Variants in SEPTIN11 observed in about 807,000 individuals in gnomAD.
SEPTIN11 encodes septin 11.
SEPTIN11 carries 25 observed loss-of-function variants against 51.4 expected under a neutral mutation model. The observed-to-expected ratio is 0.49, with a 90% CI of 0.35 to 0.68. The LOEUF (loss-of-function observed/expected upper bound fraction) is 0.68. Among genes scored for constraint, SEPTIN11 ranks in the 30% least tolerant of loss-of-function variants. The pLI is 0.00. For synonymous variants in SEPTIN11, 174 were observed against 184.1 expected (o/e 0.95, Z 0.44); for missense variants, 381 against 520.8 (o/e 0.73, Z 2.61).
chr4:77,018,246 C>T lies in SEPTIN11; in HGVS notation c.688-919C>T, dbSNP rs191175915. On this transcript the variant is annotated intron_variant, in intron 5 of 9. Transcript: ENST00000264893. ...CGGGCGGATCACAAGGTCAGGAGATCGAGACCATCCTGGCTAACACGGTGA... is the reference window on the plus strand; with the variant it reads ...CGGGCGGATCACAAGGTCAGGAGATTGAGACCATCCTGGCTAACACGGTGA... Among the ~76,000 whole-genome samples the T allele has an allele frequency of 2.4e-3, 365 of 152,148 alleles. 1 individual carries two copies. The highest frequency in any genetic ancestry group is 0.011 in the East Asian group (56 of 5,162).
chr4:77,004,374 G>A (rs1724335482), intron 2 of SEPTIN11, among the ~76,000 whole-genome samples: 1 of 152,302 alleles, frequency 6.6e-6, no homozygotes, highest in Non-Finnish European at 1.5e-5. Flanking sequence ...AGCCACAAAT[G>A]TTTGGCTTCT....
At chr4:77,010,904 G>A (rs185432279) in intron 3 of SEPTIN11, among the ~76,000 whole-genome samples, 280 of 152,268 alleles carry the variant, frequency 1.8e-3, no homozygotes, top group Non-Finnish European at 3.2e-3. Flanking sequence ...CTTACTTCCT[G>A]GACATGTGGT....
chr4:77,016,613 C>T (rs1236152700), intron 5 of SEPTIN11, among the ~76,000 whole-genome samples: 4 of 59,258 alleles, frequency 6.8e-5, no homozygotes, highest in South Asian at 6.4e-4. Context: ...TATATATATA[C>T]ACATATATAT....
Position 76,949,801 on chromosome 4 carries a change from C to A in SEPTIN11, c.-103C>A, listed in dbSNP as rs1721230847. ...GGGACGCCGGCGAGCAGAGCGCAGC[C>A]GCGAGGGAGGCGCGAGGGAGGCGAG... is the stretch of plus-strand genomic sequence containing the variant. On this transcript the variant is annotated 5_prime_UTR_variant, in exon 1 of 10. Coordinates refer to ENST00000264893, the MANE Select transcript of SEPTIN11 (RefSeq NM_018243.4). 2.3e-6 allele frequency: 3 copies of A among 1,308,530 alleles called. No homozygotes were observed. In the South Asian group the frequency reaches 4.0e-5, roughly 17 times the overall value. The allele number at this position is 1,308,530 out of a possible 1,614,324, so 81.1% of individuals were successfully genotyped here. A position where few individuals can be genotyped will look rare whatever the true frequency, so the allele number is the denominator to read the frequency against.
At position 77,038,461 on chromosome 4, in the gene SEPTIN11, C is replaced by T. The variant is rs1211542500; in HGVS notation, c.*3949C>T. The T allele has an allele frequency of 1.1e-5, 11 of 985,754 alleles. No homozygotes were observed. The highest frequency in any genetic ancestry group is 1.3e-5 in the Non-Finnish European group (11 of 829,902). 61.1% of individuals were successfully genotyped at this position (985,754 alleles called of 1,614,324 possible). The stretch of plus-strand genomic sequence containing the variant: ...CTAAAGTAATTGTATTGATGTGAAG[C>T]ATATCATTTTTTCAAATATGAAAGT... On this transcript the variant is annotated 3_prime_UTR_variant, in exon 10 of 10. Transcript: ENST00000264893.
intron 1 of SEPTIN11, among the ~76,000 whole-genome samples, chr4:76,966,834 A>T (rs1223629093): frequency 1.3e-5 from 2 of 152,246 alleles, no homozygotes; most frequent in East Asian, 3.9e-4. Context: ...ACTGTACTCC[A>T]GCCTGGGAGA....
At chr4:76,987,679 G>A (rs1723114736) in intron 1 of SEPTIN11, 1 of 154,278 alleles carries the variant, frequency 6.5e-6, no homozygotes. Flanking sequence ...ATTAATCAGG[G>A]TACTTAAATA....
intron 1 of SEPTIN11, chr4:76,987,801 C>T: frequency 2.1e-6 from 2 of 972,526 alleles, no homozygotes; most frequent in Non-Finnish European, 2.4e-6. Flanking sequence ...TTCTTTACCT[C>T]TCTTCAGCTC....
chr4:77,009,007 G>A (rs1724680222), intron 3 of SEPTIN11, among the ~76,000 whole-genome samples: 1 of 152,230 alleles, frequency 6.6e-6, no homozygotes, highest in African/African-American at 2.4e-5. Flanking sequence ...ATGATGATGA[G>A]GAGTACAAAA....
Position 77,017,280 on chromosome 4 carries a change from A to C in SEPTIN11, c.688-1885A>C, listed in dbSNP as rs141076491. The stretch of plus-strand genomic sequence containing the variant: ...CTTTCTCTCTTTATCAGATTAATAG[A>C]ACTGAATCTCTGACATTCCAAATTA... On this transcript the variant is annotated intron_variant, in intron 5 of 9. Coordinates refer to ENST00000264893, the MANE Select transcript of SEPTIN11 (RefSeq NM_018243.4). Among the ~76,000 whole-genome samples, 30 of 152,328 alleles carry C rather than the reference A, an allele frequency of 2.0e-4. No homozygotes were observed. In the East Asian group the frequency reaches 4.6e-3, roughly 23 times the overall value.
chr4:76,996,423 A>ATTTAT lies in SEPTIN11; in HGVS notation c.28-2_28-1insTTTAT. 2 of 1,611,000 alleles carry ATTTAT rather than the reference A, an allele frequency of 1.2e-6. No homozygotes were observed. The highest frequency in any genetic ancestry group is 1.3e-5 in the African/African-American group (1 of 75,006). The stretch of plus-strand genomic sequence containing the variant: ...TCAAATCTTTCTCCCCTGAAATTGC[A>ATTTAT]GAATGAAGAGCTTCGAAACTTGTCT... On this transcript the variant is annotated splice_acceptor_variant, in intron 1 of 9. Transcript: ENST00000264893. LOFTEE classifies it high-confidence loss of function.
At chr4:76,997,386 G>T (rs1723796875) in intron 2 of SEPTIN11, among the ~76,000 whole-genome samples, 1 of 152,226 alleles carries the variant, frequency 6.6e-6, no homozygotes, top group Admixed American at 6.5e-5. Context: ...AAAGCAAAGA[G>T]AATTTAGAAA....
chr4:77,017,902 A>G (rs1028893402), intron 5 of SEPTIN11, among the ~76,000 whole-genome samples: 3 of 152,234 alleles, frequency 2.0e-5, no homozygotes, highest in East Asian at 1.9e-4. Flanking sequence ...CTTCAGATAA[A>G]TCTGGGTGCA....
At chr4:77,019,355 C>A in intron 6 of SEPTIN11, 94 bp downstream of exon 6, 3 of 1,018,900 alleles carry the variant, frequency 2.9e-6, no homozygotes, top group African/African-American at 1.6e-5. Flanking sequence ...GGGAGGCCCT[C>A]AACAGTGGGC....
At chr4:76,975,774 T>C (rs1722470243) in intron 1 of SEPTIN11, among the ~76,000 whole-genome samples, 1 of 152,246 alleles carries the variant, frequency 6.6e-6, no homozygotes, top group Admixed American at 6.5e-5. Context: ...GAGAACCACT[T>C]TCTTTAAAGT....
In SEPTIN11 at chr4:77,019,264, A is replaced by T. The variant is rs1267619844; in HGVS notation, c.784+3A>T. ...GTACCCCTGGGGTGTGGTGCAGGGT[A>T]TGTGCACAGCATGGGAGATGGAGTC... On this transcript the variant is annotated splice_donor_region_variant and intron_variant, in intron 6 of 9. Transcript: ENST00000264893. The T allele has an allele frequency of 1.9e-6, 3 of 1,605,336 alleles. No individual in the cohort carries two copies. Among genetic ancestry groups the T allele is most frequent in the Non-Finnish European group, 2.6e-6 (3 of 1,174,814 alleles).
intron 1 of SEPTIN11, among the ~76,000 whole-genome samples, chr4:76,979,126 A>G (rs963761408): frequency 1.3e-5 from 2 of 152,246 alleles, no homozygotes; most frequent in Admixed American, 6.5e-5. Flanking sequence ...GTCATGGTAC[A>G]TACAGTTCAA....
At chr4:77,008,780 G>A (rs757841143) in intron 3 of SEPTIN11, among the ~76,000 whole-genome samples, 1 of 152,174 alleles carries the variant, frequency 6.6e-6, no homozygotes, top group African/African-American at 2.4e-5. Flanking sequence ...ATGTGAAAAC[G>A]TAAGGGCTAG....
Position 77,037,030 on chromosome 4 carries a change from A to C in SEPTIN11, c.*2518A>C, listed in dbSNP as rs1727079374. ...ATATTTTTTTCACAAGAACCACATA[A>C]TAAATTCCACTTCTTGACCTGAATT... On this transcript the variant is annotated 3_prime_UTR_variant, in exon 10 of 10. Transcript: ENST00000264893. 1 of 1,223,632 alleles carries C rather than the reference A, an allele frequency of 8.2e-7. No individual in the cohort carries two copies. Among genetic ancestry groups the C allele is most frequent in the African/African-American group, 1.6e-5 (1 of 63,452 alleles). 75.8% of individuals were successfully genotyped at this position (1,223,632 alleles called of 1,614,324 possible). A position where few individuals can be genotyped will look rare whatever the true frequency, so the allele number is the denominator to read the frequency against.
Sources: allele counts gnomAD v4.1 joint callset (sites outside exome capture counted in the v4.1 genomes callset), GRCh38; gene constraint gnomAD v4.1.1; transcripts MANE v1.5; gene names NCBI Gene and HGNC (gene_info 2026-07-23, HGNC 2026-07-21).